The following ZNF407 variants were observed in gnomAD, a reference collection of about 807,000 sequenced individuals.
ZNF407 encodes zinc finger protein 407.
ZNF407 carries 17 observed loss-of-function variants against 131.2 expected under a neutral mutation model. The observed-to-expected ratio is 0.13, with a 90% CI of 0.09 to 0.19. The LOEUF (loss-of-function observed/expected upper bound fraction) is 0.19. Among genes scored for constraint, ZNF407 ranks in the 10% least tolerant of loss-of-function variants. ZNF407 has a pLI of 1.00. For synonymous variants in ZNF407, 1,156 were observed against 1,062.0 expected, an observed-to-expected ratio of 1.09 and a Z score of -1.72; for missense variants, 2,681 against 2,830.6, an observed-to-expected ratio of 0.95 and a Z score of 1.20.
In ZNF407 at chr18:74,896,856, A is replaced by G. The variant is rs79015425; in HGVS notation, c.5249+6818A>G. ...TGAATGTTGTACTATGTGTTAATCT[A>G]TTCTTCCTTTTTTTCTGACAATTCT... On this transcript the variant is annotated intron_variant, in intron 7 of 8. Transcript: ENST00000299687. Among the ~76,000 whole-genome samples the G allele has an allele frequency of 4.0e-3, 613 of 152,224 alleles. 5 individuals are homozygous for G. Among genetic ancestry groups the G allele is most frequent in the Non-Finnish European group, 6.6e-3 (451 of 68,014 alleles).
At chr18:75,044,259 A>G (rs867540521) in intron 8 of ZNF407, among the ~76,000 whole-genome samples, 79 of 151,344 alleles carry the variant, frequency 5.2e-4, no homozygotes, top group African/African-American at 1.6e-3. Context: ...TCGCCTGTTG[A>G]AAAAAAACAC....
chr18:74,632,584 C>T lies in ZNF407; in HGVS notation c.1565C>T (p.Ser522Phe). 3 of 1,614,060 alleles carry T rather than the reference C, an allele frequency of 1.9e-6. No individual in the cohort carries two copies. The highest frequency in any genetic ancestry group is 2.5e-6 in the Non-Finnish European group (3 of 1,179,910). ...GLHSLTVKPA[S>F]GSQTLCACTD... ...CATTCCCTGACAGTGAAGCCAGCTT[C>T]TGGCTCTCAGACGTTGTGTGCTTGT... The change falls in exon 2 of 9, where the codon TCT (serine) becomes TTT (phenylalanine). Residue 522 changes from serine (S) to phenylalanine (F), a missense_variant. By Grantham distance (155) the Ser-to-Phe change is radical. Coordinates refer to ENST00000299687, the MANE Select transcript of ZNF407 (RefSeq NM_017757.3).
At chr18:74,773,171 A>G (rs1338123305) in intron 3 of ZNF407, among the ~76,000 whole-genome samples, 3 of 152,234 alleles carry the variant, frequency 2.0e-5, no homozygotes, top group Non-Finnish European at 4.4e-5. Flanking sequence ...ATATGAATGT[A>G]TATGAACAAA....
At position 74,981,657 on chromosome 18, in the gene ZNF407, A is replaced by G. The variant is rs1050556792; in HGVS notation, c.5428+60965A>G. 2.0e-5 allele frequency among the ~76,000 whole-genome samples: 3 copies of G among 149,878 alleles called. No individual in the cohort carries two copies. The Admixed American group carries it at 2.1e-4, about 10-fold the overall frequency. ...GGAGGGCACTGTCGCTCGGCCCTGG[A>G]GGAGCGCAGGATGTGACTGGGGAGG... is the stretch of plus-strand genomic sequence containing the variant. On this transcript the variant is annotated intron_variant, in intron 8 of 8. Transcript: ENST00000299687.
At chr18:75,035,957 A>G (rs1973303195) in intron 8 of ZNF407, among the ~76,000 whole-genome samples, 1 of 152,262 alleles carries the variant, frequency 6.6e-6, no homozygotes, top group Admixed American at 6.5e-5. Flanking sequence ...GTTAATAGAA[A>G]ACAAAGAAAC....
chr18:74,637,011 T>G (rs924797248), intron 2 of ZNF407, among the ~76,000 whole-genome samples: 1 of 152,256 alleles, frequency 6.6e-6, no homozygotes, highest in Non-Finnish European at 1.5e-5. Flanking sequence ...AGGAAGATGC[T>G]AATGGAGCTC....
intron 8 of ZNF407, among the ~76,000 whole-genome samples, chr18:75,034,745 T>C (rs1426154078): frequency 6.6e-6 from 1 of 152,196 alleles, no homozygotes; most frequent in Non-Finnish European, 1.5e-5. Flanking sequence ...CATCATTTTA[T>C]CCCACATACT....
intron 8 of ZNF407, among the ~76,000 whole-genome samples, chr18:74,985,694 C>T (rs1368771334): frequency 4.6e-5 from 7 of 152,202 alleles, no homozygotes. Flanking sequence ...CTGCCACTCA[C>T]TGCTGGGACA....
At chr18:74,901,187 A>AT (rs1482514612) in intron 7 of ZNF407, among the ~76,000 whole-genome samples, 1 of 151,994 alleles carries the variant, frequency 6.6e-6, no homozygotes. Flanking sequence ...GATGGATGCT[A>AT]TTTTTTGCGT....
chr18:74,995,380 G>A (rs1425197351), intron 8 of ZNF407, among the ~76,000 whole-genome samples: 3 of 152,146 alleles, frequency 2.0e-5, no homozygotes, highest in African/African-American at 7.2e-5. Flanking sequence ...TGCAGTAACC[G>A]AGCTGAGGGT....
intron 1 of ZNF407, among the ~76,000 whole-genome samples, chr18:74,598,917 T>C (rs930091250): frequency 6.6e-6 from 1 of 152,258 alleles, no homozygotes; most frequent in Non-Finnish European, 1.5e-5. Flanking sequence ...ACATCCCACA[T>C]CCGTGGACAC....
intron 3 of ZNF407, among the ~76,000 whole-genome samples, chr18:74,671,323 T>G (rs1426286947): frequency 1.3e-5 from 2 of 152,110 alleles, no homozygotes; most frequent in Non-Finnish European, 2.9e-5. Flanking sequence ...GACCACTGTT[T>G]TTTTTTGTTT....
intron 7 of ZNF407, among the ~76,000 whole-genome samples, chr18:74,897,701 AC>A (rs1379350911): frequency 6.6e-6 from 1 of 152,212 alleles, no homozygotes; most frequent in African/African-American, 2.4e-5. Context: ...TTATCAAACA[AC>A]AAAACACTTT....
chr18:74,758,247 T>C (rs1020814016), intron 3 of ZNF407, among the ~76,000 whole-genome samples: 1 of 152,204 alleles, frequency 6.6e-6, no homozygotes, highest in African/African-American at 2.4e-5. Flanking sequence ...TTGTGTTAAA[T>C]AGGAATTTTT....
chr18:75,049,373 A>G (rs531617195), intron 8 of ZNF407, among the ~76,000 whole-genome samples: 325 of 152,202 alleles, frequency 2.1e-3, no homozygotes, highest in African/African-American at 7.0e-3. Context: ...CTGGGATCAT[A>G]CTTATTTGTC....
intron 4 of ZNF407, among the ~76,000 whole-genome samples, chr18:74,864,172 T>C (rs564302624): frequency 1.3e-5 from 2 of 152,332 alleles, no homozygotes; most frequent in Admixed American, 1.3e-4. Flanking sequence ...GATTACTCTT[T>C]GATTACTCTT....
intron 8 of ZNF407, among the ~76,000 whole-genome samples, chr18:75,053,080 A>C (rs1465403925): frequency 6.6e-6 from 1 of 152,216 alleles, no homozygotes; most frequent in African/African-American, 2.4e-5. Flanking sequence ...CCCCAGCCCC[A>C]TGACACATGA....
intron 7 of ZNF407, chr18:74,898,433 A>G (rs1265991624): frequency 1.3e-5 from 2 of 152,208 alleles, no homozygotes; most frequent in Non-Finnish European, 2.9e-5. Flanking sequence ...TTGTTTTGGT[A>G]AAACAATGTT....
chr18:75,005,485 A>AAT lies in ZNF407; in HGVS notation c.5429-57653_5429-57652dup, dbSNP rs936507501. ...AGGGTTATTTCTTGAGAGATTTACA[A>AAT]ATATATATATATAAAATATGCTCTT... On this transcript the variant is annotated intron_variant, in intron 8 of 8. Transcript: ENST00000299687. Among the ~76,000 whole-genome samples, 424 of 151,928 alleles carry AAT rather than the reference A, an allele frequency of 2.8e-3. 2 individuals carry two copies. Among genetic ancestry groups the AAT allele is most frequent in the African/African-American group, 9.2e-3 (381 of 41,442 alleles).
Sources: allele counts gnomAD v4.1 joint callset (sites outside exome capture counted in the v4.1 genomes callset), GRCh38; gene constraint gnomAD v4.1.1; transcripts MANE v1.5; gene names NCBI Gene and HGNC (gene_info 2026-07-23, HGNC 2026-07-21).